Variants in NOD1 observed in about 807,000 individuals in gnomAD.
NOD1 encodes nucleotide binding oligomerization domain containing 1.
Under a neutral mutation model 81.2 loss-of-function variants are expected in NOD1, and 70 were observed. The observed-to-expected ratio is 0.86, with a 90% CI of 0.71 to 1.05. NOD1 has a LOEUF of 1.05. Ranked by LOEUF, NOD1 falls within the 50% of genes least tolerant of loss-of-function variation. The pLI, the probability that NOD1 is intolerant of heterozygous loss-of-function variation, is 0.00. For missense variants in NOD1, 1,233 were observed against 1,228.0 expected (o/e 1.00, Z -0.06); for synonymous variants, 508 against 526.9 (o/e 0.96, Z 0.49).
At chr7:30,460,419 G>T (rs1022918893) in intron 1 of NOD1, 9 of 985,412 alleles carry the variant, frequency 9.1e-6, no homozygotes, top group Non-Finnish European at 1.1e-5. Context: ...AGAGGACGGA[G>T]ATTGGGCTGG....
At chr7:30,448,514 C>G in intron 6 of NOD1, 133 bp from the exon 7 acceptor site, 2 of 736,130 alleles carry the variant, frequency 2.7e-6, no homozygotes, top group South Asian at 3.3e-5. Context: ...AGAATGGCCA[C>G]AGCAATCAGC....
At chr7:30,429,149 T>C (rs1783721681) in intron 13 of NOD1, among the ~76,000 whole-genome samples, 1 of 152,236 alleles carries the variant, frequency 6.6e-6, no homozygotes, top group Admixed American at 6.5e-5. Flanking sequence ...GAATATGGAA[T>C]CAGGCATTCT....
Position 30,436,036 on chromosome 7 carries a change from C to T in NOD1, c.2583G>A (p.Ala861=), listed in dbSNP as rs760276479. ...GAGACGTGTTCTGCTGCAGGGCCCT[C>T]GCAAGGCTCTTTCCTCCTTCTGTGG... ...GISTEGGKSL[A]RALQQNTSLE... is the part of the protein sequence containing the mutation. The change falls in exon 11 of 14, where the codon GCG becomes GCA. Residue 861 remains alanine, a synonymous_variant. Transcript: ENST00000222823. The T allele has an allele frequency of 2.9e-5, 47 of 1,614,084 alleles. No homozygotes were observed. The highest frequency in any genetic ancestry group is 3.7e-5 in the Non-Finnish European group (44 of 1,180,006).
chr7:30,433,691 C>T (rs1175488521), intron 11 of NOD1, among the ~76,000 whole-genome samples: 1 of 152,142 alleles, frequency 6.6e-6, no homozygotes, highest in Non-Finnish European at 1.5e-5. Flanking sequence ...CTCAATGGTC[C>T]TTAGAACCAG....
chr7:30,437,186 G>A (rs1337970501), intron 10 of NOD1, among the ~76,000 whole-genome samples: 1 of 151,900 alleles, frequency 6.6e-6, no homozygotes, highest in Non-Finnish European at 1.5e-5. Flanking sequence ...AGAACACATG[G>A]ACACATGGAG....
At chr7:30,460,234 C>T (rs1335925634) in intron 1 of NOD1, 193 bp from the exon 2 acceptor site, 2 of 985,316 alleles carry the variant, frequency 2.0e-6, no homozygotes, top group Non-Finnish European at 2.4e-6. Context: ...TAAGGGTAGA[C>T]CAAAACCATA....
intron 6 of NOD1, among the ~76,000 whole-genome samples, chr7:30,449,914 C>T (rs1044197784): frequency 1.3e-5 from 2 of 152,056 alleles, no homozygotes; most frequent in South Asian, 2.1e-4. Context: ...ACAGAGGGGT[C>T]GGGTGCGGCG....
chr7:30,475,728 G>T (rs1367286746), intron 1 of NOD1: 1 of 152,342 alleles, frequency 6.6e-6, no homozygotes, highest in South Asian at 2.1e-4. Flanking sequence ...AGTTTGGACT[G>T]TGGCAGTTCC....
Position 30,455,170 on chromosome 7 carries a change from T to G in NOD1, c.343A>C (p.Thr115Pro), listed in dbSNP as rs745864036. 6.2e-7 allele frequency: 1 copy of G among 1,614,006 alleles called. No individual in the cohort carries two copies. The highest frequency in any genetic ancestry group is 8.5e-7 in the Non-Finnish European group (1 of 1,180,018). ...LEIGFSPSLL[T>P]QSKVVVNTDP... ...GTGTTGACCACGACTTTGCTCTGAG[T>G]GAGCAGGGAAGGGGAGAAGCCGATC... The change falls in exon 5 of 14, where the codon ACT (threonine) becomes CCT (proline). Residue 115 changes from threonine to proline, a missense_variant. Coordinates refer to ENST00000222823, the MANE Select transcript of NOD1 (RefSeq NM_006092.4).
intron 12 of NOD1, among the ~76,000 whole-genome samples, chr7:30,431,475 A>G (rs763004257): frequency 2.6e-5 from 4 of 152,256 alleles, no homozygotes; most frequent in Non-Finnish European, 5.9e-5. Context: ...AGAACAGAGA[A>G]TTCAGAAATA....
chr7:30,455,080 AC>A (rs1786199252), intron 5 of NOD1, 56 bp downstream of exon 5: 6 of 1,556,722 alleles, frequency 3.9e-6, no homozygotes, highest in Middle Eastern at 1.9e-4. Context: ...CCATTACCAA[AC>A]CCCCCAGGGC....
rs1476690464 is a variant in NOD1 at position 30,424,717 on chromosome 7, T to G, written c.*921A>C. 1 of 152,096 alleles carries G rather than the reference T, an allele frequency of 6.6e-6. No individual in the cohort carries two copies. Among genetic ancestry groups the G allele is most frequent in the African/African-American group, 2.4e-5 (1 of 41,384 alleles). 9.4% of individuals were successfully genotyped at this position (152,096 alleles called of 1,614,324 possible). On this transcript the variant is annotated 3_prime_UTR_variant, in exon 14 of 14. Transcript: ENST00000222823. ...GCCCGTTTAGTCACCCTTCAGCTGC[T>G]TGGGAGGCAGGAAGAGACTTCCCCT...
intron 11 of NOD1, among the ~76,000 whole-genome samples, chr7:30,435,149 A>C (rs1386361700): frequency 2.0e-5 from 3 of 152,178 alleles, no homozygotes; most frequent in Non-Finnish European, 4.4e-5. Flanking sequence ...AAAAAAGGGA[A>C]CACCAACAAA....
At chr7:30,446,065 T>A (rs926283430) in intron 9 of NOD1, 76 bp downstream of exon 9, 12 of 1,100,232 alleles carry the variant, frequency 1.1e-5, no homozygotes, top group Non-Finnish European at 1.7e-5. Context: ...TGTACTGATG[T>A]ATGAAAAGAA....
At chr7:30,447,466 G>A (rs900154694) in intron 7 of NOD1, 9 of 233,784 alleles carry the variant, frequency 3.8e-5, no homozygotes, top group African/African-American at 1.4e-4. Flanking sequence ...AAAACTTCTC[G>A]ATGTCTACCT....
rs528954651 is a variant in NOD1, at chr7:30,448,165, A to T, written c.2285+133T>A. On this transcript the variant is annotated intron_variant, in intron 7 of 13. Coordinates refer to ENST00000222823, the MANE Select transcript of NOD1 (RefSeq NM_006092.4). ...GCCACAAAGAGAACCCAGGACTCTC[A>T]ACTCCTGGGCCAGCGCTCTTCCCAG... The T allele has an allele frequency of 8.5e-4, 620 of 728,006 alleles. 9 individuals carry two copies. In the South Asian group the frequency reaches 9.5e-3, roughly 11 times the overall value. 45.1% of individuals were successfully genotyped at this position (728,006 alleles called of 1,614,324 possible). A position where few individuals can be genotyped will look rare whatever the true frequency, so the allele number is the denominator to read the frequency against.
chr7:30,456,797 T>A lies in NOD1; in HGVS notation c.125A>T (p.Asp42Val). The stretch of plus-strand genomic sequence containing the variant: ...GAAGTAGTCATTCTTCAGCAAGTTG[T>A]CCACCAGACACTGAGTATTGCGGAT... ...THIRNTQCLV[D>V]NLLKNDYFSA... is the part of the protein sequence containing the mutation. The change falls in exon 4 of 14, where the codon GAC becomes GTC. Residue 42 changes from aspartate to valine, a missense_variant. Coordinates refer to ENST00000222823, the MANE Select transcript of NOD1 (RefSeq NM_006092.4). 3 of 1,614,194 alleles carry A rather than the reference T, an allele frequency of 1.9e-6. No individual in the cohort carries two copies. Among genetic ancestry groups the A allele is most frequent in the Non-Finnish European group, 1.7e-6 (2 of 1,180,048 alleles).
chr7:30,471,150 A>G (rs1468654502), intron 1 of NOD1, among the ~76,000 whole-genome samples: 1 of 150,354 alleles, frequency 6.7e-6, no homozygotes, highest in Admixed American at 6.6e-5. Flanking sequence ...GCAAGCATCT[A>G]GGACACAAAC....
intron 13 of NOD1, 90 bp from the exon 14 acceptor site, chr7:30,425,800 C>G: frequency 1.2e-6 from 1 of 862,192 alleles, no homozygotes; most frequent in Non-Finnish European, 2.0e-6. Context: ...AGCACACACT[C>G]GTGTATCACA....
Sources: allele counts gnomAD v4.1 joint callset (sites outside exome capture counted in the v4.1 genomes callset), GRCh38; gene constraint gnomAD v4.1.1; transcripts MANE v1.5; gene names NCBI Gene and HGNC (gene_info 2026-07-23, HGNC 2026-07-21).